TRPC4: variants seen among roughly 807,000 people sequenced by gnomAD.
TRPC4 encodes the protein transient receptor potential cation channel subfamily C member 4.
Under a neutral mutation model 99.4 loss-of-function variants are expected in TRPC4, and 49 were observed. The ratio of observed to expected loss-of-function variants is 0.49; its 90% confidence interval spans 0.39 to 0.63. The LOEUF (loss-of-function observed/expected upper bound fraction) is 0.63. Ranked by LOEUF, TRPC4 falls within the 20% of genes least tolerant of loss-of-function variation. The pLI is 0.00. For missense variants in TRPC4, 898 were observed against 1,152.9 expected, an observed-to-expected ratio of 0.78 and a Z score of 3.20; for synonymous variants, 454 against 425.9, an observed-to-expected ratio of 1.07 and a Z score of -0.81.
At chr13:37,704,062 CAT>C (rs1566108818) in intron 3 of TRPC4, among the ~76,000 whole-genome samples, 1 of 151,988 alleles carries the variant, frequency 6.6e-6, no homozygotes, top group African/African-American at 2.4e-5. Flanking sequence ...GATATACACA[CAT>C]GGTTGAATAT....
intron 3 of TRPC4, among the ~76,000 whole-genome samples, chr13:37,738,275 T>C (rs74849276): frequency 0.01 from 1,530 of 152,270 alleles, 13 homozygotes; most frequent in South Asian, 0.03. Flanking sequence ...TGGGAAAAAT[T>C]TGAAATAAGT....
chr13:37,858,405 C>A (rs1266580367), intron 1 of TRPC4, among the ~76,000 whole-genome samples: 4 of 151,514 alleles, frequency 2.6e-5, no homozygotes, highest in Admixed American at 2.6e-4. Context: ...TCCAGCAATT[C>A]CAGCAATCCC....
At chr13:37,859,535 C>G (rs1240381891) in intron 1 of TRPC4, among the ~76,000 whole-genome samples, 7 of 151,462 alleles carry the variant, frequency 4.6e-5, no homozygotes, top group African/African-American at 1.7e-4. Context: ...ATCAGACTCA[C>G]AGCTGACTTT....
intron 1 of TRPC4, among the ~76,000 whole-genome samples, chr13:37,849,214 T>G (rs1837119398): frequency 6.6e-6 from 1 of 152,166 alleles, no homozygotes; most frequent in African/African-American, 2.4e-5. Context: ...GCTTATTATG[T>G]CATTGTCCCA....
At chr13:37,651,569 A>G (rs1566068963) in intron 7 of TRPC4, 110 bp from the exon 8 acceptor site, 2 of 972,088 alleles carry the variant, frequency 2.1e-6, no homozygotes, top group Non-Finnish European at 3.1e-6. Flanking sequence ...AACATTAATT[A>G]AATTGCTTCT....
intron 4 of TRPC4, among the ~76,000 whole-genome samples, chr13:37,686,989 G>A (rs1042037848): frequency 2.0e-5 from 3 of 151,422 alleles, no homozygotes; most frequent in Non-Finnish European, 4.4e-5. Context: ...TTTTGAGATG[G>A]AGTCTTGCTC....
chr13:37,670,480 C>A (rs1203985465), intron 5 of TRPC4, among the ~76,000 whole-genome samples: 1 of 152,102 alleles, frequency 6.6e-6, no homozygotes, highest in African/African-American at 2.4e-5. Context: ...AGTCATAACA[C>A]CGGTAATCCC....
intron 6 of TRPC4, among the ~76,000 whole-genome samples, chr13:37,663,021 A>G (rs1952500546): frequency 6.6e-6 from 1 of 152,210 alleles, no homozygotes; most frequent in South Asian, 2.1e-4. Flanking sequence ...TACCTGGAAA[A>G]CACATGAGGA....
At chr13:37,741,889 T>A in intron 3 of TRPC4, among the ~76,000 whole-genome samples, 1 of 149,130 alleles carries the variant, frequency 6.7e-6, no homozygotes. Context: ...TTTAACAGAG[T>A]AACACTGCAC....
At chr13:37,647,301 T>A (rs1356537481) in intron 8 of TRPC4, among the ~76,000 whole-genome samples, 1 of 152,166 alleles carries the variant, frequency 6.6e-6, no homozygotes, top group African/African-American at 2.4e-5. Flanking sequence ...AAGAATGAAG[T>A]CACTTCCAGT....
intron 1 of TRPC4, among the ~76,000 whole-genome samples, chr13:37,797,214 A>T (rs1336954354): frequency 3.3e-5 from 5 of 151,802 alleles, no homozygotes. Context: ...AATAAAATAA[A>T]ATAGACTCAT....
rs1951496096 is a variant in TRPC4, at chr13:37,635,726, A to G, written c.*1177T>C. On this transcript the variant is annotated 3_prime_UTR_variant, in exon 11 of 11. Transcript: ENST00000379705. ...TATCAATTTTATGTAAGTTGCGAAC[A>G]CTTTCCTTGTAATAGTTCAGTGAAT... Among the ~76,000 whole-genome samples, 1 of 152,158 alleles carries G rather than the reference A, an allele frequency of 6.6e-6. No individual in the cohort carries two copies. Among genetic ancestry groups the G allele is most frequent in the African/African-American group, 2.4e-5 (1 of 41,452 alleles).
At chr13:37,719,912 T>C (rs1286623748) in intron 3 of TRPC4, among the ~76,000 whole-genome samples, 1 of 152,158 alleles carries the variant, frequency 6.6e-6, no homozygotes, top group Non-Finnish European at 1.5e-5. Flanking sequence ...TATTCTGTTT[T>C]AGAAATGTTA....
intron 3 of TRPC4, among the ~76,000 whole-genome samples, chr13:37,727,307 A>G (rs1464184774): frequency 9.2e-5 from 14 of 152,092 alleles, no homozygotes; most frequent in Non-Finnish European, 1.5e-5. Flanking sequence ...ATTTGTGAAA[A>G]TTAAACAACG....
intron 2 of TRPC4, among the ~76,000 whole-genome samples, chr13:37,774,320 T>A (rs1282367257): frequency 6.6e-6 from 1 of 151,714 alleles, no homozygotes; most frequent in Non-Finnish European, 1.5e-5. Context: ...ACTCAAAGCT[T>A]ACAGTACAAA....
intron 4 of TRPC4, among the ~76,000 whole-genome samples, chr13:37,676,596 C>T (rs1197736011): frequency 6.6e-6 from 1 of 152,054 alleles, no homozygotes; most frequent in Non-Finnish European, 1.5e-5. Flanking sequence ...TGGTCTCGAT[C>T]TCCTAACCTC....
chr13:37,797,855 C>T (rs1004225533), intron 1 of TRPC4, among the ~76,000 whole-genome samples: 3 of 152,122 alleles, frequency 2.0e-5, no homozygotes, highest in East Asian at 3.9e-4. Flanking sequence ...GATGGATTGC[C>T]GTCTAGAGAA....
At chr13:37,686,422 CGTGT>C (rs572026157) in intron 4 of TRPC4, among the ~76,000 whole-genome samples, 4 of 149,046 alleles carry the variant, frequency 2.7e-5, no homozygotes, top group South Asian at 4.2e-4. Flanking sequence ...TATACGTATA[CGTGT>C]GTGTGTGTGT....
In TRPC4 at chr13:37,634,565, T is replaced by C. The variant is rs1329564836; in HGVS notation, c.*2338A>G. 1.3e-5 allele frequency among the ~76,000 whole-genome samples: 2 copies of C among 151,984 alleles called. No homozygotes were observed. Among genetic ancestry groups the C allele is most frequent in the African/African-American group, 4.8e-5 (2 of 41,388 alleles). ...TTAACCCCTGATATAAATAAGCTAC[T>C]GGGGGAAAAAAGGTTTTGTTGCTTG... On this transcript the variant is annotated 3_prime_UTR_variant, in exon 11 of 11. Coordinates refer to ENST00000379705, the MANE Select transcript of TRPC4 (RefSeq NM_016179.4).
Sources: allele counts gnomAD v4.1 joint callset (sites outside exome capture counted in the v4.1 genomes callset), GRCh38; gene constraint gnomAD v4.1.1; transcripts MANE v1.5; gene names NCBI Gene and HGNC (gene_info 2026-07-23, HGNC 2026-07-21).